SLC26A7: variants seen among roughly 807,000 people sequenced by gnomAD.
SLC26A7 encodes the protein anion exchange transporter.
SLC26A7 carries 59 observed loss-of-function variants against 82.5 expected under a neutral mutation model. That is an observed-to-expected ratio of 0.72 (90% CI 0.58 to 0.89). The LOEUF (loss-of-function observed/expected upper bound fraction) is 0.89. Among genes scored for constraint, SLC26A7 ranks in the 40% least tolerant of loss-of-function variants. The pLI is 0.00. For missense variants in SLC26A7, 820 were observed against 793.0 expected, an observed-to-expected ratio of 1.03 and a Z score of -0.41; for synonymous variants, 271 against 274.3, an observed-to-expected ratio of 0.99 and a Z score of 0.12.
In SLC26A7 at chr8:91,325,694, C is replaced by T. The variant is rs114704434; in HGVS notation, c.642+7314C>T. Among the ~76,000 whole-genome samples the T allele has an allele frequency of 2.7e-3, 412 of 152,290 alleles. 1 individual carries two copies. The highest frequency in any genetic ancestry group is 9.3e-3 in the African/African-American group (388 of 41,576). ...AAGACTTCATGCTCTGTAATAGTCT[C>T]CTCTTCAAAGAGGTAGCATCTTCCC... On this transcript the variant is annotated intron_variant, in intron 5 of 18. Coordinates refer to ENST00000276609, the MANE Select transcript of SLC26A7 (RefSeq NM_052832.4).
At position 91,243,685 on chromosome 8, in the gene SLC26A7, C is replaced by T. The variant is rs184645438; in HGVS notation, c.-33-5934C>T. Among the ~76,000 whole-genome samples the T allele has an allele frequency of 1.4e-4, 22 of 152,224 alleles. 1 individual carries two copies. The highest frequency in any genetic ancestry group is 9.2e-4 in the Admixed American group (14 of 15,288). On this transcript the variant is annotated intron_variant, in intron 2 of 5. Coordinates refer to the SLC26A7 transcript ENST00000522862. ...ATTAAAATGAGTAATCTTAGGAACT[C>T]ACATAGTTTCCATGTTTTCATCACA...
In SLC26A7 at chr8:91,394,796, T is replaced by G. The variant is rs867238460; in HGVS notation, c.1936-266T>G. 2.3e-4 allele frequency: 219 copies of G among 935,918 alleles called. No homozygotes were observed. In the Middle Eastern group the frequency reaches 3.8e-3, roughly 16 times the overall value. The allele number at this position is 935,918 out of a possible 1,614,324, so 58.0% of individuals were successfully genotyped here. A position where few individuals can be genotyped will look rare whatever the true frequency, so the allele number is the denominator to read the frequency against. On this transcript the variant is annotated intron_variant, in intron 18 of 18. Coordinates refer to ENST00000276609, the MANE Select transcript of SLC26A7 (RefSeq NM_052832.4). ...CTGAATTTGCCATGACCTTATGAGG[T>G]AGATATGATAATTTAACCCATTTTT...
At chr8:91,262,473 G>C (rs1459028256) in intron 2 of SLC26A7, among the ~76,000 whole-genome samples, 3 of 152,048 alleles carry the variant, frequency 2.0e-5, no homozygotes, top group Admixed American at 1.3e-4. Flanking sequence ...ATTTTGGTGG[G>C]TAAACCTGAG....
chr8:91,228,567 G>T (rs965239472), intron 2 of SLC26A7, among the ~76,000 whole-genome samples: 3 of 152,116 alleles, frequency 2.0e-5, no homozygotes, highest in African/African-American at 7.2e-5. Context: ...GCTTCACAAC[G>T]GCCACTTTAT....
chr8:91,325,416 C>A (rs141284457), intron 5 of SLC26A7, among the ~76,000 whole-genome samples: 1 of 152,158 alleles, frequency 6.6e-6, no homozygotes, highest in South Asian at 2.1e-4. Flanking sequence ...GAAAATTCCT[C>A]TCCCTTCAGG....
intron 15 of SLC26A7, among the ~76,000 whole-genome samples, chr8:91,375,555 C>G (rs1440923722): frequency 6.6e-6 from 1 of 151,884 alleles, no homozygotes; most frequent in Non-Finnish European, 1.5e-5. Flanking sequence ...AAACAGACCC[C>G]CAAACTCTTC....
intron 11 of SLC26A7, among the ~76,000 whole-genome samples, chr8:91,359,096 A>G (rs184824068): frequency 4.7e-4 from 72 of 152,288 alleles, no homozygotes; most frequent in Non-Finnish European, 8.5e-4. Flanking sequence ...ATAAAAAAGA[A>G]CATTAATTCT....
intron 4 of SLC26A7, among the ~76,000 whole-genome samples, chr8:91,314,758 A>T (rs1586398574): frequency 6.6e-6 from 1 of 152,200 alleles, no homozygotes; most frequent in African/African-American, 2.4e-5. Flanking sequence ...GGATTTTTTT[A>T]AAAGTATAAT....
At position 91,356,505 on chromosome 8, in the gene SLC26A7, T is replaced by C. The variant is rs1322983816; in HGVS notation, c.1314+3509T>C. 3.9e-5 allele frequency among the ~76,000 whole-genome samples: 6 copies of C among 152,108 alleles called. No individual in the cohort carries two copies. The East Asian group carries it at 1.2e-3, about 29-fold the overall frequency. ...TGATGATGAGCATTTTTTCATGTGT[T>C]TTTTGGCTGCATAAATGTCTTCTTT... On this transcript the variant is annotated intron_variant, in intron 11 of 18. Coordinates refer to ENST00000276609, the MANE Select transcript of SLC26A7 (RefSeq NM_052832.4).
chr8:91,278,837 G>C (rs77737411), intron 2 of SLC26A7, among the ~76,000 whole-genome samples: 1 of 151,680 alleles, frequency 6.6e-6, no homozygotes, highest in Non-Finnish European at 1.5e-5. Flanking sequence ...TATACAATAG[G>C]TCTTTTGAAC....
At chr8:91,247,925 A>G (rs1810569194), upstream of SLC26A7, among the ~76,000 whole-genome samples, 1 of 152,204 alleles carries the variant, frequency 6.6e-6, no homozygotes, top group Non-Finnish European at 1.5e-5. Context: ...GTAATACATA[A>G]TCAGTGTATG....
At chr8:91,281,876 C>A (rs12676718) in intron 2 of SLC26A7, among the ~76,000 whole-genome samples, 3 of 151,910 alleles carry the variant, frequency 2.0e-5, no homozygotes, top group South Asian at 2.1e-4. Context: ...TTAAGCATAC[C>A]TTTTCAGCTG....
chr8:91,300,654 C>T (rs1368881604), intron 4 of SLC26A7, among the ~76,000 whole-genome samples: 2 of 152,196 alleles, frequency 1.3e-5, no homozygotes, highest in Admixed American at 6.5e-5. Flanking sequence ...GCCTCGGCCT[C>T]CCAAAGTGCT....
chr8:91,381,980 G>C (rs13281702), intron 15 of SLC26A7, among the ~76,000 whole-genome samples: 26,224 of 151,912 alleles, frequency 0.17, 2,792 homozygotes, highest in African/African-American at 0.31. Flanking sequence ...TATGAGATAG[G>C]CTTTGTTGTA....
intron 2 of SLC26A7, among the ~76,000 whole-genome samples, chr8:91,230,135 G>A (rs1810292560): frequency 6.6e-6 from 1 of 151,980 alleles, no homozygotes; most frequent in Admixed American, 6.6e-5. Flanking sequence ...CATATATCAC[G>A]AGTGTGTTCC....
chr8:91,221,861 TG>T (rs1239049387), intron 2 of SLC26A7, among the ~76,000 whole-genome samples: 1 of 152,108 alleles, frequency 6.6e-6, no homozygotes, highest in Non-Finnish European at 1.5e-5. Context: ...CAGGGTCTTC[TG>T]TGATTCCATA....
At chr8:91,246,442 C>T (rs1810544810), upstream of SLC26A7, among the ~76,000 whole-genome samples, 1 of 152,084 alleles carries the variant, frequency 6.6e-6, no homozygotes, top group African/African-American at 2.4e-5. Flanking sequence ...CCTGAATGTT[C>T]ATTACACAGC....
intron 2 of SLC26A7, among the ~76,000 whole-genome samples, chr8:91,240,915 A>AT (rs1280067165): frequency 1.3e-5 from 2 of 152,156 alleles, no homozygotes; most frequent in African/African-American, 4.8e-5. Context: ...AGATGAGTTT[A>AT]TTATAGGTCC....
chr8:91,243,776 C>A (rs186464881), intron 2 of SLC26A7, among the ~76,000 whole-genome samples: 1 of 152,060 alleles, frequency 6.6e-6, no homozygotes, highest in Non-Finnish European at 1.5e-5. Flanking sequence ...AGCAGCAAGA[C>A]GGTAGATTTA....
Sources: allele counts gnomAD v4.1 joint callset (sites outside exome capture counted in the v4.1 genomes callset), GRCh38; gene constraint gnomAD v4.1.1; transcripts MANE v1.5; gene names NCBI Gene and HGNC (gene_info 2026-07-23, HGNC 2026-07-21).